Variants in ARHGAP8 observed in about 807,000 individuals in gnomAD.
ARHGAP8 encodes the protein Rho GTPase activating protein 8, also known as rho GTPase-activating protein 8.
Under a neutral mutation model 46.1 loss-of-function variants are expected in ARHGAP8, and 62 were observed. The observed-to-expected ratio is 1.34, with a 90% confidence interval of 1.10 to 1.66. The LOEUF (loss-of-function observed/expected upper bound fraction) is 1.66, where lower values mean the gene tolerates loss of function less well. ARHGAP8 is among the 40% of genes most tolerant of loss of function. The pLI is 0.00. For missense variants in ARHGAP8, 923 were observed against 568.4 expected (o/e 1.62, Z -6.34); for synonymous variants, 375 against 243.1 (o/e 1.54, Z -5.05).
chr22:44,848,904 C>A lies in ARHGAP8; in HGVS notation c.749-28C>A, dbSNP rs144974998. The A allele has an allele frequency of 5.9e-3, 9,462 of 1,613,460 alleles. 46 individuals are homozygous for A. Among genetic ancestry groups the A allele is most frequent in the Non-Finnish European group, 7.0e-3 (8,262 of 1,179,636 alleles). On this transcript the variant is annotated intron_variant, in intron 9 of 11. Transcript: ENST00000356099. Reference sequence around the variant, plus strand: ...GGCAGTGCCCAGGCCGGGGTGCAGACCTCAGCAGTGCTGTGTTGTGTGTGC... The same window carrying A: ...GGCAGTGCCCAGGCCGGGGTGCAGAACTCAGCAGTGCTGTGTTGTGTGTGC...
intron 10 of ARHGAP8, 113 bp downstream of exon 10, chr22:44,849,173 C>T (rs540212179): frequency 1.4e-5 from 22 of 1,547,436 alleles, no homozygotes; most frequent in Admixed American, 1.8e-5. Flanking sequence ...ACCCACCCTC[C>T]TCCTGTTGCC....
intron 4 of ARHGAP8, chr22:44,808,715 G>A (rs1318037816): frequency 3.4e-6 from 2 of 593,850 alleles, no homozygotes; most frequent in Admixed American, 4.4e-5. Context: ...TGTAATCCCA[G>A]TACTTTGGGA....
At chr22:44,803,927 A>G (rs1928758322) in intron 3 of ARHGAP8, among the ~76,000 whole-genome samples, 1 of 151,574 alleles carries the variant, frequency 6.6e-6, no homozygotes, top group Admixed American at 6.6e-5. Context: ...CCTAAAGTAG[A>G]TTGACTCATG....
At chr22:44,834,299 A>G (rs976506103) in intron 7 of ARHGAP8, among the ~76,000 whole-genome samples, 2 of 152,150 alleles carry the variant, frequency 1.3e-5, no homozygotes, top group Non-Finnish European at 2.9e-5. Context: ...AAGTCCTGCA[A>G]TAGATGTATC....
At chr22:44,859,402 C>G (rs891589809) in intron 10 of ARHGAP8, among the ~76,000 whole-genome samples, 1 of 152,180 alleles carries the variant, frequency 6.6e-6, no homozygotes, top group Admixed American at 6.5e-5. Context: ...GCACCTCCTT[C>G]CTTTTTGCCT....
chr22:44,792,021 C>CTTT (rs748389226), intron 2 of ARHGAP8, among the ~76,000 whole-genome samples: 11 of 78,098 alleles, frequency 1.4e-4, no homozygotes, highest in East Asian at 5.0e-4. Flanking sequence ...TTCTTTCTTT[C>CTTT]TTTTTTTTTT....
rs528841454 is a variant in ARHGAP8, at chr22:44,808,250, T to C, written c.168-57T>C. On this transcript the variant is annotated intron_variant, in intron 3 of 11. Transcript: ENST00000356099. ...AGCTTCCATTATAGGGAAAGCACGT[T>C]TGGTTTCAATAATGAGTAGGTGATT... 1.2e-3 allele frequency: 1,920 copies of C among 1,577,920 alleles called. 5 individuals carry two copies. The highest frequency in any genetic ancestry group is 3.0e-3 in the Middle Eastern group (18 of 5,906).
chr22:44,860,187 C>G (rs895164689), intron 11 of ARHGAP8, among the ~76,000 whole-genome samples: 1 of 152,104 alleles, frequency 6.6e-6, no homozygotes, highest in African/African-American at 2.4e-5. Flanking sequence ...GGTACAGAGC[C>G]CAGTGGACTG....
chr22:44,821,823 G>A (rs776344129), intron 5 of ARHGAP8, among the ~76,000 whole-genome samples: 2 of 152,194 alleles, frequency 1.3e-5, no homozygotes, highest in African/African-American at 2.4e-5. Context: ...CACCTGGTCA[G>A]GGCATGTCTG....
chr22:44,801,769 TTTAA>T (rs1928570822), intron 2 of ARHGAP8: 1 of 355,398 alleles, frequency 2.8e-6, no homozygotes, highest in South Asian at 4.6e-5. Flanking sequence ...TGCGTCTCGA[TTTAA>T]GTCCTTGGTG....
chr22:44,806,952 T>A (rs5766045), intron 3 of ARHGAP8, among the ~76,000 whole-genome samples: 3 of 145,604 alleles, frequency 2.1e-5, no homozygotes, highest in South Asian at 2.2e-4. Flanking sequence ...TGACAGACTC[T>A]GTCTCAAAAA....
intron 1 of ARHGAP8, among the ~76,000 whole-genome samples, chr22:44,785,050 A>G (rs1464230586): frequency 6.6e-6 from 1 of 152,172 alleles, no homozygotes; most frequent in Non-Finnish European, 1.5e-5. Context: ...CTGAGTGGGC[A>G]GGGAGGTGTG....
chr22:44,848,838 C>T (rs1417841820), intron 9 of ARHGAP8, 94 bp from the exon 10 acceptor site: 17 of 1,572,778 alleles, frequency 1.1e-5, no homozygotes, highest in South Asian at 4.8e-5. Flanking sequence ...GCGTCCCATC[C>T]GGACATCTCA....
chr22:44,862,661 A>G lies in ARHGAP8; in HGVS notation c.*66A>G. 6.7e-7 allele frequency: 1 copy of G among 1,486,246 alleles called. No homozygotes were observed. Among genetic ancestry groups the G allele is most frequent in the Non-Finnish European group, 9.0e-7 (1 of 1,116,884 alleles). 92.1% of individuals were successfully genotyped at this position (1,486,246 alleles called of 1,614,324 possible). Reference sequence around the variant, plus strand: ...CTGTCTGTGCACTTGTATGTTTTGTAAACTTGGCATCTGTAAAAATAACCA... The same window carrying G: ...CTGTCTGTGCACTTGTATGTTTTGTGAACTTGGCATCTGTAAAAATAACCA... On this transcript the variant is annotated 3_prime_UTR_variant, in exon 12 of 12. Transcript: ENST00000356099.
intron 5 of ARHGAP8, among the ~76,000 whole-genome samples, chr22:44,821,214 GA>G (rs1225163865): frequency 6.6e-5 from 10 of 152,028 alleles, no homozygotes; most frequent in Admixed American, 5.2e-4. Flanking sequence ...GGCGGATCAC[GA>G]GGTCAGGAGA....
chr22:44,842,558 A>C (rs1931723014), intron 7 of ARHGAP8, among the ~76,000 whole-genome samples: 1 of 152,208 alleles, frequency 6.6e-6, no homozygotes, highest in African/African-American at 2.4e-5. Context: ...GGCAGACCTC[A>C]GTGGCTCAGG....
intron 2 of ARHGAP8, among the ~76,000 whole-genome samples, chr22:44,787,038 A>G (rs117552684): frequency 2.3e-5 from 1 of 42,874 alleles, no homozygotes; most frequent in African/African-American, 6.5e-5. Context: ...TCAAAAAAAC[A>G]AAAAAAAAAA....
intron 1 of ARHGAP8, among the ~76,000 whole-genome samples, chr22:44,764,410 A>G (rs949606487): frequency 2.0e-5 from 3 of 152,212 alleles, no homozygotes; most frequent in Non-Finnish European, 4.4e-5. Context: ...TCCTGGTGCC[A>G]TACAGAGCAG....
At chr22:44,803,214 T>C (rs573477590) in intron 3 of ARHGAP8, among the ~76,000 whole-genome samples, 174 of 152,216 alleles carry the variant, frequency 1.1e-3, no homozygotes, top group Non-Finnish European at 2.1e-3. Flanking sequence ...CTGGGCCCCA[T>C]GTCCCTTGTA....
Sources: allele counts gnomAD v4.1 joint callset (sites outside exome capture counted in the v4.1 genomes callset), GRCh38; gene constraint gnomAD v4.1.1; transcripts MANE v1.5; gene names NCBI Gene and HGNC (gene_info 2026-07-23, HGNC 2026-07-21).